Variants in C1orf105 observed in about 807,000 individuals in gnomAD.
C1orf105 encodes the protein chromosome 1 open reading frame 105, also known as uncharacterized protein C1orf105.
A neutral mutation model predicts 20.8 loss-of-function variants in C1orf105; 17 were observed. The ratio of observed to expected loss-of-function variants is 0.82; its 90% CI spans 0.56 to 1.23. C1orf105 has a LOEUF of 1.23. Ranked by LOEUF, C1orf105 falls within the 50% of genes most tolerant of loss-of-function variation. The pLI is 0.00. For missense variants in C1orf105, 219 were observed against 213.5 expected, an observed-to-expected ratio of 1.03 and a Z score of -0.16; for synonymous variants, 72 against 72.1, an observed-to-expected ratio of 1.00 and a Z score of 0.01.
At chr1:172,460,913 C>T (rs376667542) in intron 4 of C1orf105, among the ~76,000 whole-genome samples, 7 of 152,230 alleles carry the variant, frequency 4.6e-5, no homozygotes, top group African/African-American at 1.7e-4. Flanking sequence ...TGTTCTGATG[C>T]AGCCCCTGTA....
intron 3 of C1orf105, among the ~76,000 whole-genome samples, chr1:172,450,423 T>C (rs1454947349): frequency 5.3e-5 from 8 of 152,272 alleles, no homozygotes; most frequent in Admixed American, 4.6e-4. Flanking sequence ...CAGAGTCTAC[T>C]GCGTGTATGA....
At chr1:172,436,178 T>C (rs1055625784) in intron 1 of C1orf105, among the ~76,000 whole-genome samples, 1 of 152,170 alleles carries the variant, frequency 6.6e-6, no homozygotes, top group Non-Finnish European at 1.5e-5. Flanking sequence ...AGGTAATTTA[T>C]AGATTCAATG....
intron 1 of C1orf105, among the ~76,000 whole-genome samples, chr1:172,438,383 T>C (rs1326480985): frequency 6.6e-6 from 1 of 152,210 alleles, no homozygotes; most frequent in Non-Finnish European, 1.5e-5. Flanking sequence ...TTGGAAGATG[T>C]TGACTCCAAC....
chr1:172,465,959 A>G (rs1019038822), intron 6 of C1orf105, among the ~76,000 whole-genome samples: 1 of 152,192 alleles, frequency 6.6e-6, no homozygotes, highest in Non-Finnish European at 1.5e-5. Flanking sequence ...AATATAATTC[A>G]AGGGCTTACT....
intron 4 of C1orf105, among the ~76,000 whole-genome samples, chr1:172,458,117 A>G (rs1358414524): frequency 3.3e-5 from 5 of 152,072 alleles, no homozygotes; most frequent in Admixed American, 1.3e-4. Context: ...AACAGCTAAC[A>G]CCCTACTTAA....
chr1:172,425,450 A>G (rs2071698506), intron 1 of C1orf105, among the ~76,000 whole-genome samples: 1 of 152,168 alleles, frequency 6.6e-6, no homozygotes, highest in Non-Finnish European at 1.5e-5. Context: ...GAGTTACGAA[A>G]GGAAAAAAAA....
intron 1 of C1orf105, among the ~76,000 whole-genome samples, chr1:172,438,798 ATTGTC>A (rs2072124016): frequency 6.6e-6 from 1 of 152,152 alleles, no homozygotes. Flanking sequence ...AAACTTCATT[ATTGTC>A]TTATTTCATG....
chr1:172,424,034 A>G (rs1174582552), intron 1 of C1orf105, among the ~76,000 whole-genome samples: 2 of 152,232 alleles, frequency 1.3e-5, no homozygotes. Flanking sequence ...TACTGTCAAC[A>G]TATTAAGATC....
chr1:172,446,383 G>A (rs939307852), intron 2 of C1orf105, among the ~76,000 whole-genome samples: 1 of 152,284 alleles, frequency 6.6e-6, no homozygotes, highest in South Asian at 2.1e-4. Context: ...AGTCAGATGA[G>A]GGGCATAATG....
At chr1:172,449,790 G>A (rs906886341) in intron 3 of C1orf105, among the ~76,000 whole-genome samples, 1 of 152,212 alleles carries the variant, frequency 6.6e-6, no homozygotes, top group African/African-American at 2.4e-5. Flanking sequence ...GGGTAGAGGT[G>A]GGGGATGAGC....
chr1:172,453,207 T>A (rs1477909216), intron 3 of C1orf105: 24 of 1,548,560 alleles, frequency 1.5e-5, no homozygotes, highest in Non-Finnish European at 2.0e-5. Context: ...ACAGCACAGA[T>A]CAAAGATTGC....
intron 1 of C1orf105, among the ~76,000 whole-genome samples, chr1:172,440,847 C>T (rs1179549710): frequency 6.6e-6 from 1 of 152,188 alleles, no homozygotes; most frequent in Non-Finnish European, 1.5e-5. Context: ...ATCTGGAATT[C>T]TAAAGGTCTG....
At position 172,445,676 on chromosome 1, in the gene C1orf105, A is replaced by C. The variant is rs113469701; in HGVS notation, c.107+518A>C. ...AATTACATATCTAGGGAGCATTTCA[A>C]CTGTCTCTTGAAATAATTGGGTTAC... On this transcript the variant is annotated intron_variant, in intron 2 of 6. Transcript: ENST00000367727. Among the ~76,000 whole-genome samples, 250 of 152,316 alleles carry C rather than the reference A, an allele frequency of 1.6e-3. 1 individual carries two copies. Among genetic ancestry groups the C allele is most frequent in the African/African-American group, 5.9e-3 (247 of 41,548 alleles).
At chr1:172,465,265 T>C (rs531814060) in intron 5 of C1orf105, 34 bp from the exon 6 acceptor site, 3 of 1,471,324 alleles carry the variant, frequency 2.0e-6, no homozygotes, top group South Asian at 2.3e-5. Flanking sequence ...CCCTAGCCAA[T>C]TGACTAATGT....
At chr1:172,454,236 T>C (rs1009440711) in intron 3 of C1orf105, among the ~76,000 whole-genome samples, 1 of 152,062 alleles carries the variant, frequency 6.6e-6, no homozygotes, top group African/African-American at 2.4e-5. Flanking sequence ...CCCTTCAGAC[T>C]GAGTACAAAT....
chr1:172,445,230 G>T, intron 2 of C1orf105, 72 bp downstream of exon 2: 2 of 1,233,972 alleles, frequency 1.6e-6, no homozygotes. Flanking sequence ...CTTAAGGGAT[G>T]GGGACAATTA....
intron 1 of C1orf105, among the ~76,000 whole-genome samples, chr1:172,422,874 G>T (rs1350075838): frequency 6.6e-6 from 1 of 152,178 alleles, no homozygotes; most frequent in East Asian, 1.9e-4. Context: ...CTGTGGTGGT[G>T]TTGGACATGA....
intron 6 of C1orf105, chr1:172,465,565 T>G: frequency 1.5e-6 from 1 of 673,666 alleles, no homozygotes; most frequent in Middle Eastern, 2.4e-4. Context: ...TGTGCCCTCC[T>G]CAGGCCTCAC....
Position 172,443,623 on chromosome 1 carries a change from A to T in C1orf105, c.22-1450A>T, listed in dbSNP as rs959111158. Reference sequence around the variant, plus strand: ...ACAGCCATCCGGCAAATTTGAGAAAAAAAAAATTCATATTGCCCGACTTTA... The same window carrying T: ...ACAGCCATCCGGCAAATTTGAGAAATAAAAAATTCATATTGCCCGACTTTA... On this transcript the variant is annotated intron_variant, in intron 1 of 6. Transcript: ENST00000367727. 9.6e-5 allele frequency: 16 copies of T among 167,136 alleles called. No homozygotes were observed. In the Admixed American group the frequency reaches 1.0e-3, roughly 11 times the overall value. The allele number at this position is 167,136 out of a possible 1,614,324, so 10.4% of individuals were successfully genotyped here. A position where few individuals can be genotyped will look rare whatever the true frequency, so the allele number is the denominator to read the frequency against.
Sources: gnomAD v4.1 joint callset for allele counts (sites outside exome capture counted in the v4.1 genomes callset) on GRCh38, gnomAD v4.1.1 for gene constraint, MANE v1.5 for transcripts, NCBI Gene and HGNC (gene_info 2026-07-23, HGNC 2026-07-21) for gene names.